SPATA25: variants seen among roughly 807,000 people sequenced by gnomAD.
SPATA25 encodes the protein spermatogenesis associated 25, also known as spermatogenesis-associated protein 25.
SPATA25 carries 16 observed loss-of-function variants against 16.0 expected under a neutral mutation model. The ratio of observed to expected loss-of-function variants is 1.00; its 90% CI spans 0.68 to 1.52. SPATA25 has a LOEUF of 1.52. Among genes scored for constraint, SPATA25 ranks in the 40% most tolerant of loss-of-function variants. The probability of loss-of-function intolerance (pLI) is 0.00; values close to 1 mark genes in which losing one functional copy is unlikely to be tolerated. For missense variants in SPATA25, 285 were observed against 289.2 expected (o/e 0.99, Z 0.11); for synonymous variants, 115 against 118.5 (o/e 0.97, Z 0.19).
upstream of SPATA25, chr20:45,890,951 C>T: frequency 6.6e-7 from 1 of 1,513,646 alleles, no homozygotes; most frequent in Non-Finnish European, 8.8e-7. Flanking sequence ...CTCGAGTCCC[C>T]AGAGTGCACC....
upstream of SPATA25, chr20:45,888,938 AGGTCTAGGTCATGGT>A (rs1759874886): frequency 6.3e-7 from 1 of 1,594,170 alleles, no homozygotes; most frequent in African/African-American, 1.3e-5. Flanking sequence ...AAGATCCAGA[AGGTCTAGGTCATGGT>A]CCCCACTTTG....
Position 45,886,566 on chromosome 20 carries a change from A to G in SPATA25, c.635T>C (p.Met212Thr). Residue 212 changes from methionine (M) to threonine (T), a missense_variant, in exon 2 of 2, where the codon ATG becomes ACG. Met to Thr is a moderately conservative substitution (Grantham distance 81). Coordinates refer to ENST00000372519, the MANE Select transcript of SPATA25 (RefSeq NM_080608.4). ...GCCCCTTTTAGATCTCACTAGGGGC[A>G]TCTTCCCAGAGGCTGTGTGGGCATG... Reference protein sequence around the residue: ...QAHAHTASGKMPLVRSKRGQP... With the variant: ...QAHAHTASGKTPLVRSKRGQP... 4 of 1,607,488 alleles carry G rather than the reference A, an allele frequency of 2.5e-6. No individual in the cohort carries two copies. The highest frequency in any genetic ancestry group is 3.4e-6 in the Non-Finnish European group (4 of 1,175,402).
At chr20:45,890,761 C>T, upstream of SPATA25, 1 of 1,612,492 alleles carries the variant, frequency 6.2e-7, no homozygotes, top group Non-Finnish European at 8.5e-7. Context: ...GATGTCCGCA[C>T]CAGCCCAGCT....
intron 1 of SPATA25, 88 bp downstream of exon 1, chr20:45,887,448 A>G: frequency 2.2e-6 from 3 of 1,340,056 alleles, no homozygotes; most frequent in Non-Finnish European, 2.1e-6. Flanking sequence ...CCAAATGCCC[A>G]GCAGAACCGC....
Position 45,887,568 on chromosome 20 carries a change from T to C in SPATA25, c.23A>G (p.Gln8Arg). 6.2e-7 allele frequency: 1 copy of C among 1,613,900 alleles called. No individual in the cohort carries two copies. ...GGAAGGCAGAGGACCTGGATGAGTT[T>C]GTGGAGTCCTGAAGTAGGACATGGC... MSYFRTP[Q>R]THPGPLPSGQ... The change falls in exon 1 of 2, where the codon CAA becomes CGA. Residue 8 changes from glutamine to arginine, a missense_variant. Transcript: ENST00000372519.
upstream of SPATA25, chr20:45,890,493 G>A (rs1986723736): frequency 8.8e-6 from 14 of 1,598,426 alleles, no homozygotes; most frequent in Non-Finnish European, 1.2e-5. Context: ...TGGCTGTAGA[G>A]CCCTGGCCGG....
chr20:45,888,859 T>A (rs1986589637), upstream of SPATA25: 1 of 1,613,764 alleles, frequency 6.2e-7, no homozygotes, highest in Non-Finnish European at 8.5e-7. Context: ...CGGCACAGAG[T>A]CTGCAGGGAT....
chr20:45,890,665 G>A (rs2145810248), upstream of SPATA25: 1 of 1,613,664 alleles, frequency 6.2e-7, no homozygotes, highest in Non-Finnish European at 8.5e-7. Context: ...AGACCCAGGT[G>A]TGGCCCAGGT....
At chr20:45,890,259 C>G (rs772492087), upstream of SPATA25, 3 of 1,613,824 alleles carry the variant, frequency 1.9e-6, no homozygotes, top group South Asian at 2.2e-5. Flanking sequence ...CAGCCATACT[C>G]GAGCTGGACA....
chr20:45,888,419 A>C (rs1311116790), upstream of SPATA25, among the ~76,000 whole-genome samples: 1 of 152,226 alleles, frequency 6.6e-6, no homozygotes, highest in African/African-American at 2.4e-5. Flanking sequence ...AGAAGCTTTT[A>C]CAAAACACAA....
chr20:45,890,064 G>C (rs1218713410), upstream of SPATA25: 1 of 630,356 alleles, frequency 1.6e-6, no homozygotes. Flanking sequence ...ACCAAGATAG[G>C]TACCAAGGCC....
upstream of SPATA25, among the ~76,000 whole-genome samples, chr20:45,889,806 C>T (rs1986661719): frequency 6.6e-6 from 1 of 152,046 alleles, no homozygotes; most frequent in South Asian, 2.1e-4. Context: ...TAGAGACAGG[C>T]TTTCACCATG....
chr20:45,886,746 A>G lies in SPATA25; in HGVS notation c.455T>C (p.Ile152Thr). The change falls in exon 2 of 2, where the codon ATC (isoleucine) becomes ACC (threonine). Residue 152 changes from isoleucine to threonine, a missense_variant. Physicochemically the swap from Ile to Thr is moderately conservative, Grantham distance 89. Transcript: ENST00000372519. ...VGKEASSQPD[I>T]CILTLAMMIA... ...CATCATGGCGAGGGTGAGGATGCAGATATCAGGCTGGGAGCTGGCCTCCTT... is the reference window on the plus strand; with the variant it reads ...CATCATGGCGAGGGTGAGGATGCAGGTATCAGGCTGGGAGCTGGCCTCCTT... 6.2e-7 allele frequency: 1 copy of G among 1,614,072 alleles called. No homozygotes were observed. The highest frequency in any genetic ancestry group is 8.5e-7 in the Non-Finnish European group (1 of 1,180,026).
chr20:45,889,777 C>T (rs1986660983), upstream of SPATA25, among the ~76,000 whole-genome samples: 2 of 152,132 alleles, frequency 1.3e-5, no homozygotes, highest in African/African-American at 4.8e-5. Context: ...CCACACCCAG[C>T]TACTTTTTGT....
At chr20:45,887,288 C>T in intron 1 of SPATA25, 143 bp from the exon 2 acceptor site, 3 of 1,027,354 alleles carry the variant, frequency 2.9e-6, no homozygotes, top group Non-Finnish European at 4.2e-6. Flanking sequence ...CTAGGTGTTA[C>T]TCATATCCAC....
upstream of SPATA25, chr20:45,888,895 A>G: frequency 6.2e-7 from 1 of 1,613,864 alleles, no homozygotes; most frequent in South Asian, 1.1e-5. Context: ...AGACTGTGAA[A>G]GGCAAACTGA....
At chr20:45,890,953 G>T, upstream of SPATA25, 1 of 1,510,026 alleles carries the variant, frequency 6.6e-7, no homozygotes, top group African/African-American at 1.4e-5. Flanking sequence ...CGAGTCCCCA[G>T]AGTGCACCCG....
upstream of SPATA25, chr20:45,888,690 A>G (rs1601131827): frequency 1.3e-6 from 2 of 1,533,556 alleles, no homozygotes; most frequent in South Asian, 1.1e-5. Flanking sequence ...AATGTGGCCA[A>G]CTTCGGACCA....
chr20:45,890,992 C>T, upstream of SPATA25: 1 of 1,485,858 alleles, frequency 6.7e-7, no homozygotes, highest in Non-Finnish European at 8.9e-7. Flanking sequence ...CAGCAGCCAT[C>T]TCTCGGCCAT....
Sources: gnomAD v4.1 joint callset for allele counts (sites outside exome capture counted in the v4.1 genomes callset) on GRCh38, gnomAD v4.1.1 for gene constraint, MANE v1.5 for transcripts, NCBI Gene and HGNC (gene_info 2026-07-23, HGNC 2026-07-21) for gene names.